Variants in PCDH17 observed in about 807,000 individuals in gnomAD.
PCDH17 encodes protocadherin 17.
Under a neutral mutation model 67.7 loss-of-function variants are expected in PCDH17, and 21 were observed. The ratio of observed to expected loss-of-function variants is 0.31; its 90% CI spans 0.22 to 0.45. The LOEUF (loss-of-function observed/expected upper bound fraction) is 0.45. PCDH17 is among the 20% of genes least tolerant of loss of function. The pLI is 1.00. For synonymous variants in PCDH17, 701 were observed against 656.7 expected, an observed-to-expected ratio of 1.07 and a Z score of -1.03; for missense variants, 1,471 against 1,564.8, an observed-to-expected ratio of 0.94 and a Z score of 1.01.
intron 1 of PCDH17, among the ~76,000 whole-genome samples, chr13:57,645,975 A>G (rs1431474374): frequency 1.3e-5 from 2 of 151,560 alleles, no homozygotes; most frequent in Non-Finnish European, 3.0e-5. Flanking sequence ...AAGTATAAAT[A>G]TTTATTTTCT....
intron 1 of PCDH17, among the ~76,000 whole-genome samples, chr13:57,636,014 T>C (rs1566215555): frequency 6.6e-6 from 1 of 152,204 alleles, no homozygotes; most frequent in East Asian, 1.9e-4. Context: ...AGTGTGTATA[T>C]TAAGTATATC....
At chr13:57,645,157 T>TA (rs1954949928) in intron 1 of PCDH17, among the ~76,000 whole-genome samples, 1 of 151,716 alleles carries the variant, frequency 6.6e-6, no homozygotes, top group Non-Finnish European at 1.5e-5. Context: ...TAATGAATGA[T>TA]ATTAAGTCTG....
intron 1 of PCDH17, among the ~76,000 whole-genome samples, chr13:57,648,373 C>T (rs1282249896): frequency 6.6e-6 from 1 of 151,918 alleles, no homozygotes; most frequent in Non-Finnish European, 1.5e-5. Flanking sequence ...TCATTGCACC[C>T]ATCTGCTCCC....
intron 3 of PCDH17, among the ~76,000 whole-genome samples, chr13:57,720,608 C>T (rs1217338100): frequency 1.3e-5 from 2 of 151,738 alleles, no homozygotes; most frequent in East Asian, 3.9e-4. Flanking sequence ...ATGGTAATTG[C>T]TAGTAGTTAA....
At chr13:57,638,678 G>A (rs944221840) in intron 1 of PCDH17, among the ~76,000 whole-genome samples, 1 of 151,812 alleles carries the variant, frequency 6.6e-6, no homozygotes, top group African/African-American at 2.4e-5. Flanking sequence ...TCAATAACAG[G>A]GAATTAAGCA....
intron 3 of PCDH17, among the ~76,000 whole-genome samples, chr13:57,677,997 TG>T (rs1185449808): frequency 6.6e-6 from 1 of 151,710 alleles, no homozygotes; most frequent in Non-Finnish European, 1.5e-5. Flanking sequence ...TACAGCATGG[TG>T]ACTATGGTTA....
intron 3 of PCDH17, among the ~76,000 whole-genome samples, chr13:57,687,031 T>C (rs889746313): frequency 6.6e-6 from 1 of 152,020 alleles, no homozygotes; most frequent in Non-Finnish European, 1.5e-5. Context: ...AATAGGAAGT[T>C]TCCCAACTGC....
intron 1 of PCDH17, among the ~76,000 whole-genome samples, chr13:57,654,823 A>G (rs1955084048): frequency 1.3e-5 from 2 of 152,008 alleles, no homozygotes; most frequent in Non-Finnish European, 2.9e-5. Context: ...TCAGAAAATG[A>G]TAACTATCAT....
upstream of PCDH17, among the ~76,000 whole-genome samples, chr13:57,631,152 A>G (rs184173039): frequency 1.2e-4 from 18 of 152,286 alleles, no homozygotes; most frequent in Admixed American, 1.2e-3. Flanking sequence ...GGAAAAAAAA[A>G]AACACGTACT....
At chr13:57,630,628 C>T (rs1222053043), upstream of PCDH17, among the ~76,000 whole-genome samples, 1 of 152,184 alleles carries the variant, frequency 6.6e-6, no homozygotes, top group Non-Finnish European at 1.5e-5. Flanking sequence ...TTTCCAGAAC[C>T]TCGGACTCCG....
rs148641045 is a variant in PCDH17 at position 57,687,892 on chromosome 13, C to T, written c.2797+21059C>T. ...AGTGGAGCTAAGTCCTCACACGTGGCAGATTGTCCTCCACCTTCATCAGGT... is the reference window on the plus strand; with the variant it reads ...AGTGGAGCTAAGTCCTCACACGTGGTAGATTGTCCTCCACCTTCATCAGGT... On this transcript the variant is annotated intron_variant, in intron 3 of 3. Coordinates refer to ENST00000377918, the MANE Select transcript of PCDH17 (RefSeq NM_001040429.3). 4.7e-3 allele frequency among the ~76,000 whole-genome samples: 716 copies of T among 152,064 alleles called. 8 individuals are homozygous for T. Among genetic ancestry groups the T allele is most frequent in the African/African-American group, 0.014 (578 of 41,524 alleles).
At chr13:57,644,829 T>G (rs1368353165) in intron 1 of PCDH17, among the ~76,000 whole-genome samples, 1 of 151,726 alleles carries the variant, frequency 6.6e-6, no homozygotes, top group African/African-American at 2.4e-5. Context: ...GAGCAGATAA[T>G]ATTTTCCATC....
At chr13:57,644,536 GA>G (rs1167923418) in intron 1 of PCDH17, among the ~76,000 whole-genome samples, 5 of 150,684 alleles carry the variant, frequency 3.3e-5, no homozygotes, top group African/African-American at 1.2e-4. Flanking sequence ...TAAAAAAAAA[GA>G]AACATAATTA....
In PCDH17 at chr13:57,724,892, C is replaced by A. The variant is rs773733650; in HGVS notation, c.3078C>A (p.Ser1026Arg). Residue 1026 changes from serine to arginine, a missense_variant, in exon 4 of 4, where the codon AGC becomes AGA. By Grantham distance (110) the Ser-to-Arg change is moderately radical. Transcript: ENST00000377918. ...KPYLKAKRAL[S>R]PLLQEVPSAS... is the part of the protein sequence containing the mutation. ...ATTTAAAAGCCAAACGTGCCCTGAG[C>A]CCTCTCCTCCAAGAGGTCCCCTCAG... The A allele has an allele frequency of 2.5e-6, 4 of 1,614,186 alleles. No homozygotes were observed. The highest frequency in any genetic ancestry group is 3.4e-6 in the Non-Finnish European group (4 of 1,180,022).
chr13:57,701,719 AATTCTG>A (rs1955664466), intron 3 of PCDH17, among the ~76,000 whole-genome samples: 1 of 152,124 alleles, frequency 6.6e-6, no homozygotes, highest in African/African-American at 2.4e-5. Flanking sequence ...GTGGTTCTAA[AATTCTG>A]ATTCTATTTA....
Position 57,727,530 on chromosome 13 carries a change from C to A in PCDH17, c.*2236C>A, listed in dbSNP as rs917510524. The A allele has an allele frequency of 6.6e-6, 1 of 152,160 alleles. No homozygotes were observed. The highest frequency in any genetic ancestry group is 1.9e-4 in the East Asian group (1 of 5,194). The allele number at this position is 152,160 out of a possible 1,614,324, so 9.4% of individuals were successfully genotyped here. On this transcript the variant is annotated 3_prime_UTR_variant, in exon 4 of 4. Coordinates refer to ENST00000377918, the MANE Select transcript of PCDH17 (RefSeq NM_001040429.3). Reference sequence around the variant, plus strand: ...AACTGCTTTGAGAGGGAAGAGTGGACAACTCCCATCAGCCTTATTCTCTTG... The same window carrying A: ...AACTGCTTTGAGAGGGAAGAGTGGAAAACTCCCATCAGCCTTATTCTCTTG...
At position 57,689,938 on chromosome 13, in the gene PCDH17, A is replaced by C. The variant is rs527601774; in HGVS notation, c.2797+23105A>C. Reference sequence around the variant, plus strand: ...ACTGTTAAAGATATGTCTTAAAATAAGATCTCTAATTATTTTCTTAAGAAG... The same window carrying C: ...ACTGTTAAAGATATGTCTTAAAATACGATCTCTAATTATTTTCTTAAGAAG... On this transcript the variant is annotated intron_variant, in intron 3 of 3. Coordinates refer to ENST00000377918, the MANE Select transcript of PCDH17 (RefSeq NM_001040429.3). Among the ~76,000 whole-genome samples, 6 of 151,986 alleles carry C rather than the reference A, an allele frequency of 3.9e-5. No homozygotes were observed. In the South Asian group the frequency reaches 6.2e-4, roughly 16 times the overall value.
chr13:57,635,925 G>A (rs533730787), intron 1 of PCDH17, among the ~76,000 whole-genome samples: 3 of 152,152 alleles, frequency 2.0e-5, no homozygotes, highest in Non-Finnish European at 2.9e-5. Flanking sequence ...CTCATTTTGC[G>A]CTACTGAAAA....
chr13:57,719,700 A>G (rs1353986728), intron 3 of PCDH17, among the ~76,000 whole-genome samples: 1 of 152,028 alleles, frequency 6.6e-6, no homozygotes, highest in Non-Finnish European at 1.5e-5. Flanking sequence ...CCTGAGAGCA[A>G]AACAGAATAG....
Sources: gnomAD v4.1 joint callset for allele counts (sites outside exome capture counted in the v4.1 genomes callset) on GRCh38, gnomAD v4.1.1 for gene constraint, MANE v1.5 for transcripts, NCBI Gene and HGNC (gene_info 2026-07-23, HGNC 2026-07-21) for gene names.